CRTC3: variants seen among roughly 807,000 people sequenced by gnomAD.
CRTC3 encodes the protein CREB-regulated transcription coactivator 3.
A neutral mutation model predicts 74.5 loss-of-function variants in CRTC3; 26 were observed. The observed-to-expected ratio is 0.35, with a 90% confidence interval of 0.26 to 0.48. The LOEUF (loss-of-function observed/expected upper bound fraction) is 0.48. CRTC3 is among the 20% of genes least tolerant of loss of function. The pLI is 0.99. For synonymous variants in CRTC3, 377 were observed against 325.8 expected (o/e 1.16, Z -1.69); for missense variants, 760 against 787.3 (o/e 0.97, Z 0.41).
intron 2 of CRTC3, among the ~76,000 whole-genome samples, chr15:90,561,576 A>G (rs910567837): frequency 1.3e-5 from 2 of 152,182 alleles, no homozygotes; most frequent in African/African-American, 4.8e-5. Context: ...CTAGGTCTCT[A>G]TATTCCCTCG....
At position 90,629,378 on chromosome 15, in the gene CRTC3, A is replaced by G. The variant is rs751339548; in HGVS notation, c.1112A>G (p.Asn371Ser). The change falls in exon 11 of 15, where the codon AAC (asparagine) becomes AGC (serine). Residue 371 changes from asparagine (N) to serine (S), a missense_variant. Around this residue, in one of 2 missense-constraint regions of CRTC3, gnomAD observed 652 missense variants for 635.2 expected, o/e 1.03. Coordinates refer to ENST00000268184, the MANE Select transcript of CRTC3 (RefSeq NM_022769.5). ...HPSLRLFSLS[N>S]PSLSTTNLSG... ...TCGCTCCGTCTGTTTTCCCTTAGCA[A>G]CCCATCTCTTTCCACCACAAACCTG... 1.2e-6 allele frequency: 2 copies of G among 1,611,934 alleles called. No homozygotes were observed. The highest frequency in any genetic ancestry group is 1.7e-6 in the Non-Finnish European group (2 of 1,179,332).
In CRTC3 at chr15:90,610,200, T is replaced by TATC. The variant is rs1280922490; in HGVS notation, c.577+2724_577+2726dup. ...TTTCTTTCCTTTTGGATTTTAAAACTATCAACTGGCTTTGCAAAAAGGTAT... is the reference window on the plus strand; with the variant it reads ...TTTCTTTCCTTTTGGATTTTAAAACTATCATCAACTGGCTTTGCAAAAAGGTAT... On this transcript the variant is annotated intron_variant, in intron 6 of 14. Transcript: ENST00000268184. 2.6e-5 allele frequency among the ~76,000 whole-genome samples: 4 copies of TATC among 152,258 alleles called. 1 individual carries two copies. In the East Asian group the frequency reaches 5.8e-4, roughly 22 times the overall value.
At chr15:90,569,199 T>A (rs1159689373) in intron 2 of CRTC3, among the ~76,000 whole-genome samples, 1 of 152,026 alleles carries the variant, frequency 6.6e-6, no homozygotes, top group Non-Finnish European at 1.5e-5. Flanking sequence ...AGATAGAGTT[T>A]TTCTTTTTGG....
chr15:90,582,273 G>A (rs1329010107), intron 2 of CRTC3, among the ~76,000 whole-genome samples: 5 of 152,172 alleles, frequency 3.3e-5, no homozygotes, highest in Non-Finnish European at 7.3e-5. Context: ...ACACCAGGTG[G>A]GGAGGTGGGG....
At chr15:90,588,750 G>A (rs1157744160) in intron 2 of CRTC3, among the ~76,000 whole-genome samples, 2 of 152,128 alleles carry the variant, frequency 1.3e-5, no homozygotes, top group Admixed American at 6.5e-5. Context: ...TAGTGATGCT[G>A]CTGCTCCTGA....
At chr15:90,612,241 G>A (rs745544027) in intron 6 of CRTC3, among the ~76,000 whole-genome samples, 9 of 152,088 alleles carry the variant, frequency 5.9e-5, no homozygotes, top group Non-Finnish European at 1.2e-4. Context: ...TACTAGCAGT[G>A]TGATCTTGGG....
intron 7 of CRTC3, 49 bp downstream of exon 7, chr15:90,614,537 G>A: frequency 7.9e-7 from 1 of 1,267,064 alleles, no homozygotes; most frequent in Non-Finnish European, 1.1e-6. Flanking sequence ...GCTGATTAGT[G>A]GACATAACCT....
intron 7 of CRTC3, among the ~76,000 whole-genome samples, chr15:90,614,945 TC>T (rs1315981794): frequency 8.6e-5 from 13 of 152,028 alleles, no homozygotes; most frequent in Admixed American, 2.0e-4. Context: ...GTGCCTGTGG[TC>T]CCAGATACTC....
intron 2 of CRTC3, among the ~76,000 whole-genome samples, chr15:90,559,476 T>C (rs921769828): frequency 3.3e-5 from 5 of 152,200 alleles, no homozygotes; most frequent in African/African-American, 1.2e-4. Context: ...AATTAAAACC[T>C]CTCTAAACTT....
chr15:90,597,581 C>T (rs1967959562), intron 3 of CRTC3, among the ~76,000 whole-genome samples: 1 of 152,180 alleles, frequency 6.6e-6, no homozygotes, highest in Non-Finnish European at 1.5e-5. Flanking sequence ...ATTTGAGAAA[C>T]ACCATACTCT....
chr15:90,613,379 T>C (rs768891507), intron 6 of CRTC3, among the ~76,000 whole-genome samples: 1 of 152,224 alleles, frequency 6.6e-6, no homozygotes, highest in East Asian at 1.9e-4. Flanking sequence ...AAATTCTGTC[T>C]TTGTGTGTCT....
At chr15:90,549,950 C>T (rs1222319736) in intron 2 of CRTC3, among the ~76,000 whole-genome samples, 3 of 150,756 alleles carry the variant, frequency 2.0e-5, no homozygotes, top group Non-Finnish European at 4.4e-5. Context: ...GTGATTTGCC[C>T]GCCCTGGCCT....
chr15:90,541,610 C>T (rs929297672), intron 2 of CRTC3, among the ~76,000 whole-genome samples: 3 of 152,012 alleles, frequency 2.0e-5, no homozygotes, highest in East Asian at 1.9e-4. Context: ...CTGCCTTATG[C>T]GGGATTTCAT....
chr15:90,591,495 C>A (rs1967800696), intron 2 of CRTC3, among the ~76,000 whole-genome samples: 1 of 152,158 alleles, frequency 6.6e-6, no homozygotes, highest in South Asian at 2.1e-4. Context: ...AGACCCTTCT[C>A]CCCACCTTGT....
chr15:90,545,956 T>G (rs1367760243), intron 2 of CRTC3, among the ~76,000 whole-genome samples: 5 of 152,228 alleles, frequency 3.3e-5, no homozygotes. Flanking sequence ...TACCAGTTCT[T>G]TATCAGATAT....
intron 2 of CRTC3, among the ~76,000 whole-genome samples, chr15:90,561,446 C>T (rs1031846209): frequency 1.3e-5 from 2 of 152,108 alleles, no homozygotes; most frequent in Non-Finnish European, 1.5e-5. Flanking sequence ...ATCGGCCTGT[C>T]CTGAAGTCAA....
At chr15:90,621,972 A>G (rs1596133085) in intron 9 of CRTC3, among the ~76,000 whole-genome samples, 1 of 152,212 alleles carries the variant, frequency 6.6e-6, no homozygotes, top group Admixed American at 6.5e-5. Context: ...AAAGCACAGC[A>G]AAAGTCATGT....
chr15:90,592,282 A>G (rs2151077420), intron 2 of CRTC3, among the ~76,000 whole-genome samples: 1 of 152,366 alleles, frequency 6.6e-6, no homozygotes, highest in South Asian at 2.1e-4. Context: ...GGATATGTTA[A>G]TAACTTGATT....
chr15:90,636,558 G>A (rs567584865), intron 11 of CRTC3, among the ~76,000 whole-genome samples: 79 of 151,956 alleles, frequency 5.2e-4, no homozygotes, highest in Non-Finnish European at 9.7e-4. Context: ...TTAACAAATG[G>A]GATCTAATTA....
Sources: gnomAD v4.1 joint callset for allele counts (sites outside exome capture counted in the v4.1 genomes callset) on GRCh38, gnomAD v4.1.1 for gene constraint, gnomAD v4.1.1 regional missense constraint, MANE v1.5 for transcripts, NCBI Gene and HGNC (gene_info 2026-07-23, HGNC 2026-07-21) for gene names.